The following STYX variants were observed in gnomAD, a reference collection of about 807,000 sequenced individuals.
STYX encodes serine/threonine/tyrosine interacting protein.
Under a neutral mutation model 42.7 loss-of-function variants are expected in STYX, and 20 were observed. The ratio of observed to expected loss-of-function variants is 0.47; its 90% CI spans 0.33 to 0.68. STYX has a LOEUF of 0.68. Among genes scored for constraint, STYX ranks in the 30% least tolerant of loss-of-function variants. The pLI, the probability that STYX is intolerant of heterozygous loss-of-function variation, is 0.02. For synonymous variants in STYX, 78 were observed against 81.9 expected (o/e 0.95, Z 0.26); for missense variants, 226 against 268.5 (o/e 0.84, Z 1.11).
At chr14:52,763,591 CTAATA>C (rs1316601040) in intron 9 of STYX, among the ~76,000 whole-genome samples, 2 of 151,866 alleles carry the variant, frequency 1.3e-5, no homozygotes, top group Non-Finnish European at 2.9e-5. Flanking sequence ...CATTTTTTAT[CTAATA>C]TGTGTTGAGA....
At chr14:52,763,837 G>A (rs1291127392) in intron 9 of STYX, among the ~76,000 whole-genome samples, 2 of 152,136 alleles carry the variant, frequency 1.3e-5, no homozygotes, top group Non-Finnish European at 2.9e-5. Flanking sequence ...GTCTTGGGCT[G>A]AAATCAGTGA....
rs1451821923 is a variant in STYX at position 52,730,195 on chromosome 14, C to G, written c.-280C>G. ...GTCGGGCTGGTTCCTGTGCTGGATC[C>G]TGGGCGGCCTGAGGGGTACGGAGAC... On this transcript the variant is annotated 5_prime_UTR_variant, in exon 1 of 11. Transcript: ENST00000354586. 2 of 496,962 alleles carry G rather than the reference C, an allele frequency of 4.0e-6. No homozygotes were observed. The highest frequency in any genetic ancestry group is 2.8e-5 in the South Asian group (1 of 35,470). The allele number at this position is 496,962 out of a possible 1,614,324, so 30.8% of individuals were successfully genotyped here. A position where few individuals can be genotyped will look rare whatever the true frequency, so the allele number is the denominator to read the frequency against.
chr14:52,731,511 C>G (rs566320233), intron 1 of STYX: 2 of 139,654 alleles, frequency 1.4e-5, no homozygotes, highest in African/African-American at 2.7e-5. Context: ...GATCTCGGCT[C>G]ACTGCAACCT....
chr14:52,764,749 A>C (rs528883153), intron 9 of STYX, among the ~76,000 whole-genome samples: 1 of 138,880 alleles, frequency 7.2e-6, no homozygotes, highest in East Asian at 2.2e-4. Context: ...GCTCACTGCA[A>C]CCTTTGCCTC....
chr14:52,771,322 C>T lies in STYX; in HGVS notation c.*216C>T, dbSNP rs962425132. 5 of 465,680 alleles carry T rather than the reference C, an allele frequency of 1.1e-5. No individual in the cohort carries two copies. The Admixed American group carries it at 1.9e-4, about 18-fold the overall frequency. 28.8% of individuals were successfully genotyped at this position (465,680 alleles called of 1,614,324 possible). ...GGTTTTACTCCTTTTTTTAAAAACA[C>T]ATGCGCGCGCACACACACATGCTTT... On this transcript the variant is annotated 3_prime_UTR_variant, in exon 11 of 11. Transcript: ENST00000354586.
intron 1 of STYX, among the ~76,000 whole-genome samples, chr14:52,736,421 G>A (rs1272775948): frequency 1.3e-5 from 2 of 152,224 alleles, no homozygotes; most frequent in African/African-American, 4.8e-5. Context: ...TTAGGAAGAA[G>A]GAGTAGCTGA....
intron 4 of STYX, among the ~76,000 whole-genome samples, chr14:52,756,088 C>T (rs1445547077): frequency 6.6e-6 from 1 of 151,944 alleles, no homozygotes; most frequent in African/African-American, 2.4e-5. Context: ...GGCCCAATCA[C>T]AGCTTACTAT....
In STYX at chr14:52,772,172, CTGAA is replaced by C. The variant is rs1420698576; in HGVS notation, c.*1067_*1070del. ...TTTTTAAACCATAAATTAGTTTAAA[CTGAA>C]AGTACGAGGCTGGAAGAAATATTAG... is the stretch of plus-strand genomic sequence containing the variant. On this transcript the variant is annotated 3_prime_UTR_variant, in exon 11 of 11. Transcript: ENST00000354586. 1.3e-5 allele frequency: 2 copies of C among 152,056 alleles called. No individual in the cohort carries two copies. The highest frequency in any genetic ancestry group is 6.5e-5 in the Admixed American group (1 of 15,276). The allele number at this position is 152,056 out of a possible 1,614,324, so 9.4% of individuals were successfully genotyped here.
intron 1 of STYX, among the ~76,000 whole-genome samples, chr14:52,739,214 T>G (rs1299220946): frequency 6.6e-6 from 1 of 152,162 alleles, no homozygotes; most frequent in African/African-American, 2.4e-5. Context: ...TTAGTTTATT[T>G]CATAGACTGT....
chr14:52,766,510 A>G (rs1882306400), intron 9 of STYX, among the ~76,000 whole-genome samples: 1 of 151,550 alleles, frequency 6.6e-6, no homozygotes, highest in African/African-American at 2.4e-5. Context: ...GTTTTGCCAT[A>G]TTTTCCAGGT....
chr14:52,730,386 C>G lies in STYX; in HGVS notation c.-89C>G. ...CTGTCAGCCCTCCGCTCCGCCGGCC[C>G]TCCTTCCTTCCGCCGCCGCAGCCAG... On this transcript the variant is annotated 5_prime_UTR_variant, in exon 1 of 11. Transcript: ENST00000354586. 7.0e-7 allele frequency: 1 copy of G among 1,429,086 alleles called. No individual in the cohort carries two copies. Among genetic ancestry groups the G allele is most frequent in the East Asian group, 2.4e-5 (1 of 41,856 alleles). 88.5% of individuals were successfully genotyped at this position (1,429,086 alleles called of 1,614,324 possible).
intron 1 of STYX, among the ~76,000 whole-genome samples, chr14:52,733,053 A>G (rs1317340369): frequency 6.6e-6 from 1 of 152,204 alleles, no homozygotes; most frequent in Non-Finnish European, 1.5e-5. Flanking sequence ...GGAGTCCCAC[A>G]TTCCAGGTGA....
intron 5 of STYX, 69 bp from the exon 6 acceptor site, chr14:52,757,247 ATAG>A: frequency 8.2e-7 from 1 of 1,219,018 alleles, no homozygotes. Flanking sequence ...ATTGTTTTCA[ATAG>A]GTTTCATTTT....
At chr14:52,757,966 A>C in intron 8 of STYX, 42 bp downstream of exon 8, 1,058 of 1,576,182 alleles carry the variant, frequency 6.7e-4, no homozygotes, top group Non-Finnish European at 8.3e-4. Flanking sequence ...TTAAATTCTC[A>C]TTAAAATGAA....
intron 1 of STYX, among the ~76,000 whole-genome samples, chr14:52,736,221 C>T (rs1880944131): frequency 6.6e-6 from 1 of 152,210 alleles, no homozygotes; most frequent in African/African-American, 2.4e-5. Context: ...CCACTTTAGG[C>T]AACATTTCTT....
chr14:52,738,933 C>G (rs981684146), intron 1 of STYX, among the ~76,000 whole-genome samples: 1 of 152,110 alleles, frequency 6.6e-6, no homozygotes, highest in African/African-American at 2.4e-5. Flanking sequence ...ATACCTCTAC[C>G]CCCATGCTAT....
chr14:52,754,377 A>AT (rs571855962), intron 4 of STYX, among the ~76,000 whole-genome samples: 14,869 of 137,912 alleles, frequency 0.11, 816 homozygotes, highest in South Asian at 0.15. Context: ...GATCGGGCTA[A>AT]TTTTTTTTTT....
intron 1 of STYX, among the ~76,000 whole-genome samples, chr14:52,735,447 G>A (rs1880911736): frequency 6.6e-6 from 1 of 152,140 alleles, no homozygotes; most frequent in South Asian, 2.1e-4. Context: ...TTTATTGTTG[G>A]TAGCCCTCCC....
rs1257262940 is a variant in STYX, at chr14:52,773,363, G to A, written c.*2257G>A. On this transcript the variant is annotated 3_prime_UTR_variant, in exon 11 of 11. Transcript: ENST00000354586. ...TAGATTTTTTTTTTTTTTTGAGACAGAGTCTCTAATGTCACCCAGGCTGGA... is the reference window on the plus strand; with the variant it reads ...TAGATTTTTTTTTTTTTTTGAGACAAAGTCTCTAATGTCACCCAGGCTGGA... 1 of 144,116 alleles carries A rather than the reference G, an allele frequency of 6.9e-6. No individual in the cohort carries two copies. Among genetic ancestry groups the A allele is most frequent in the Non-Finnish European group, 1.5e-5 (1 of 66,562 alleles). The allele number at this position is 144,116 out of a possible 1,614,324, so 8.9% of individuals were successfully genotyped here.
Sources: allele counts gnomAD v4.1 joint callset (sites outside exome capture counted in the v4.1 genomes callset), GRCh38; gene constraint gnomAD v4.1.1; transcripts MANE v1.5; gene names NCBI Gene and HGNC (gene_info 2026-07-23, HGNC 2026-07-21).